ASIC2: variants seen among roughly 807,000 people sequenced by gnomAD.
ASIC2 encodes acid-sensing ion channel 2.
A neutral mutation model predicts 57.3 loss-of-function variants in ASIC2; 25 were observed. The observed-to-expected ratio is 0.44, with a 90% CI of 0.32 to 0.61. The LOEUF (loss-of-function observed/expected upper bound fraction) is 0.61, where lower values mean the gene tolerates loss of function less well. Among genes scored for constraint, ASIC2 ranks in the 20% least tolerant of loss-of-function variants. The probability of loss-of-function intolerance (pLI) is 0.06; values close to 1 mark genes in which losing one functional copy is unlikely to be tolerated. For missense variants in ASIC2, 641 were observed against 738.1 expected (o/e 0.87, Z 1.52); for synonymous variants, 319 against 307.5 (o/e 1.04, Z -0.39).
At chr17:33,923,310 G>A (rs776449995) in intron 1 of ASIC2, among the ~76,000 whole-genome samples, 12 of 152,286 alleles carry the variant, frequency 7.9e-5, no homozygotes, top group Non-Finnish European at 1.6e-4. Context: ...AATATTTGCC[G>A]TTCTCAAGGC....
chr17:33,781,084 G>A (rs986192439), intron 1 of ASIC2, among the ~76,000 whole-genome samples: 6 of 152,174 alleles, frequency 3.9e-5, no homozygotes, highest in Non-Finnish European at 5.9e-5. Context: ...ACAGAGGGTC[G>A]CCATCACTGG....
rs142199011 is a variant in ASIC2 at position 33,060,548 on chromosome 17, G to C, written c.987+28315C>G. ...TCTGTTTTGGTACAAGTACCATGCT[G>C]TTTTGGTTACTGTAGCCTTGTAGTA... On this transcript the variant is annotated intron_variant, in intron 3 of 9. Coordinates refer to ENST00000225823, the MANE Select transcript of ASIC2 (RefSeq NM_183377.2). Among the ~76,000 whole-genome samples the C allele has an allele frequency of 6.8e-3, 1,039 of 152,296 alleles. 14 individuals are homozygous for C. Among genetic ancestry groups the C allele is most frequent in the African/African-American group, 0.024 (993 of 41,558 alleles).
intron 3 of ASIC2, among the ~76,000 whole-genome samples, chr17:33,082,374 G>T (rs2092116310): frequency 6.6e-6 from 1 of 152,136 alleles, no homozygotes; most frequent in Non-Finnish European, 1.5e-5. Flanking sequence ...AAGAGAGGGT[G>T]GGAGATGATG....
intron 1 of ASIC2, among the ~76,000 whole-genome samples, chr17:33,383,028 AAAAC>A (rs60768735): frequency 9.3e-5 from 14 of 150,656 alleles, no homozygotes; most frequent in Non-Finnish European, 1.3e-4. Context: ...GGGAATATAA[AAAAC>A]AAACAAACAA....
At position 33,666,826 on chromosome 17, in the gene ASIC2, C is replaced by T. The variant is rs868201507; in HGVS notation, c.555+489152G>A. On this transcript the variant is annotated intron_variant, in intron 1 of 9. Transcript: ENST00000359872. ...GGTCTGCTGCCCCAGAATCGTTTCT[C>T]TGCTGGTCTGCTGTGGTTTGGGTTG... Among the ~76,000 whole-genome samples the T allele has an allele frequency of 1.4e-4, 22 of 152,336 alleles. 1 individual carries two copies. In the Middle Eastern group the frequency reaches 0.01, roughly 71 times the overall value.
At chr17:34,088,757 A>C (rs1910210863) in intron 1 of ASIC2, among the ~76,000 whole-genome samples, 1 of 152,036 alleles carries the variant, frequency 6.6e-6, no homozygotes, top group South Asian at 2.1e-4. Context: ...GCCCCTCCCC[A>C]GCCTCGCTGC....
chr17:33,508,610 T>C (rs1421177527), intron 1 of ASIC2, among the ~76,000 whole-genome samples: 1 of 152,168 alleles, frequency 6.6e-6, no homozygotes, highest in Non-Finnish European at 1.5e-5. Context: ...GAGAGTACAT[T>C]TGAGAAAGGC....
rs548483546 is a variant in ASIC2, at chr17:33,388,763, C to T, written c.556-276696G>A. Among the ~76,000 whole-genome samples, 5 of 152,342 alleles carry T rather than the reference C, an allele frequency of 3.3e-5. No individual in the cohort carries two copies. In the South Asian group the frequency reaches 8.3e-4, roughly 25 times the overall value. On this transcript the variant is annotated intron_variant, in intron 1 of 9. Coordinates refer to the ASIC2 transcript ENST00000359872. ...GCTGTGGTAATCAATGCCTGCCCCA[C>T]AATTTCAGTGACTTAATATAGCAAA...
chr17:33,537,911 T>C (rs1412695328), intron 1 of ASIC2, among the ~76,000 whole-genome samples: 1 of 152,214 alleles, frequency 6.6e-6, no homozygotes, highest in African/African-American at 2.4e-5. Flanking sequence ...AAAGCCTCTT[T>C]GTTAGGGCAC....
At chr17:33,099,804 A>G (rs990062700) in intron 2 of ASIC2, among the ~76,000 whole-genome samples, 1 of 152,206 alleles carries the variant, frequency 6.6e-6, no homozygotes, top group African/African-American at 2.4e-5. Flanking sequence ...GTTTACACAC[A>G]CCGATGGTGG....
At chr17:33,812,919 C>G (rs1371719550) in intron 1 of ASIC2, among the ~76,000 whole-genome samples, 1 of 152,108 alleles carries the variant, frequency 6.6e-6, no homozygotes, top group Non-Finnish European at 1.5e-5. Flanking sequence ...CTTGTCTTAC[C>G]CCAGGGCTCT....
chr17:33,769,327 A>C (rs1474447292), intron 1 of ASIC2, among the ~76,000 whole-genome samples: 1 of 152,220 alleles, frequency 6.6e-6, no homozygotes, highest in Non-Finnish European at 1.5e-5. Flanking sequence ...TGGGTTCTGC[A>C]TGGAGCTTGC....
intron 1 of ASIC2, among the ~76,000 whole-genome samples, chr17:33,404,847 TA>T (rs1910411875): frequency 6.6e-6 from 1 of 152,220 alleles, no homozygotes; most frequent in African/African-American, 2.4e-5. Context: ...GCTATTATAT[TA>T]CCCATTATAT....
chr17:33,982,327 G>A (rs887102561), intron 1 of ASIC2, among the ~76,000 whole-genome samples: 5 of 152,230 alleles, frequency 3.3e-5, no homozygotes, highest in Non-Finnish European at 5.9e-5. Flanking sequence ...TCCTGGGCAA[G>A]AGAAGGCTGG....
At chr17:33,898,334 C>G (rs1206573707) in intron 1 of ASIC2, among the ~76,000 whole-genome samples, 1 of 143,654 alleles carries the variant, frequency 7.0e-6, no homozygotes, top group Non-Finnish European at 1.5e-5. Flanking sequence ...CTCCCAGATT[C>G]AAGCTATTCT....
intron 1 of ASIC2, among the ~76,000 whole-genome samples, chr17:33,614,698 A>G (rs1002470520): frequency 1.3e-5 from 2 of 152,252 alleles, no homozygotes; most frequent in Admixed American, 6.5e-5. Context: ...CCTGCCATCC[A>G]GTGTCACACA....
At chr17:33,930,214 G>A (rs1567759214) in intron 1 of ASIC2, among the ~76,000 whole-genome samples, 1 of 152,204 alleles carries the variant, frequency 6.6e-6, no homozygotes, top group African/African-American at 2.4e-5. Context: ...TATCACTTAC[G>A]GGTTTCCCCT....
intron 1 of ASIC2, among the ~76,000 whole-genome samples, chr17:33,593,969 A>G (rs1904906683): frequency 6.6e-6 from 1 of 152,206 alleles, no homozygotes; most frequent in Non-Finnish European, 1.5e-5. Flanking sequence ...GACAGCACCT[A>G]GTACTATTAT....
At chr17:33,974,698 C>CA (rs767133684) in intron 1 of ASIC2, among the ~76,000 whole-genome samples, 38 of 152,046 alleles carry the variant, frequency 2.5e-4, no homozygotes, top group South Asian at 8.3e-4. Flanking sequence ...CCTAGATACT[C>CA]AGAGGTTCCT....
Sources: allele counts gnomAD v4.1 joint callset (sites outside exome capture counted in the v4.1 genomes callset), GRCh38; gene constraint gnomAD v4.1.1; transcripts MANE v1.5; gene names NCBI Gene and HGNC (gene_info 2026-07-23, HGNC 2026-07-21).